CCDC66: variants seen among roughly 807,000 people sequenced by gnomAD.
The protein encoded by CCDC66 is coiled-coil domain-containing protein 66.
A neutral mutation model predicts 128.3 loss-of-function variants in CCDC66; 133 were observed. The ratio of observed to expected loss-of-function variants is 1.04; its 90% CI spans 0.90 to 1.20. CCDC66 has a LOEUF of 1.20. Ranked by LOEUF, CCDC66 falls within the 50% of genes most tolerant of loss-of-function variation. The probability of loss-of-function intolerance (pLI) is 0.00; values close to 1 mark genes in which losing one functional copy is unlikely to be tolerated. For missense variants in CCDC66, 1,126 were observed against 1,075.5 expected, an observed-to-expected ratio of 1.05 and a Z score of -0.66; for synonymous variants, 387 against 357.0, an observed-to-expected ratio of 1.08 and a Z score of -0.95.
intron 7 of CCDC66, among the ~76,000 whole-genome samples, chr3:56,590,803 A>T (rs2070750630): frequency 6.6e-6 from 1 of 152,160 alleles, no homozygotes; most frequent in Non-Finnish European, 1.5e-5. Flanking sequence ...CGTTTAGGAA[A>T]CCAGTTTTTA....
rs1392611260 is a variant in CCDC66 at position 56,557,190 on chromosome 3, C to G, written c.-53C>G. The G allele has an allele frequency of 4.0e-5, 62 of 1,550,984 alleles. No homozygotes were observed. Among genetic ancestry groups the G allele is most frequent in the Admixed American group, 5.9e-5 (3 of 50,958 alleles). On this transcript the variant is annotated 5_prime_UTR_variant, in exon 1 of 18. Coordinates refer to ENST00000394672, the MANE Select transcript of CCDC66 (RefSeq NM_001141947.3). Reference sequence around the variant, plus strand: ...AGCGCTTGCTGAGCGGCGGCGGCAACCGACGTACACAAGGGGCTTGAGCGT... The same window carrying G: ...AGCGCTTGCTGAGCGGCGGCGGCAAGCGACGTACACAAGGGGCTTGAGCGT...
intron 9 of CCDC66, 60 bp downstream of exon 9, chr3:56,593,801 T>C: frequency 6.3e-7 from 1 of 1,592,212 alleles, no homozygotes; most frequent in Non-Finnish European, 8.6e-7. Flanking sequence ...TTAGTAAGAC[T>C]GTTGTTATGT....
chr3:56,616,126 C>A (rs973150698), intron 13 of CCDC66, 73 bp downstream of exon 13: 21 of 1,383,098 alleles, frequency 1.5e-5, no homozygotes, highest in Non-Finnish European at 1.7e-5. Flanking sequence ...GAATTAAGTT[C>A]AATTTAAAAG....
At chr3:56,618,281 G>T in intron 15 of CCDC66, 69 bp downstream of exon 15, 4 of 1,296,272 alleles carry the variant, frequency 3.1e-6, no homozygotes, top group Non-Finnish European at 4.5e-6. Flanking sequence ...AGGGATTCAA[G>T]ATCTGGACAG....
At chr3:56,564,189 T>A in intron 4 of CCDC66, 64 bp downstream of exon 4, 1 of 1,227,884 alleles carries the variant, frequency 8.1e-7, no homozygotes, top group Non-Finnish European at 1.1e-6. Context: ...GAATATCAGA[T>A]TCATTGGGTT....
chr3:56,613,610 G>A lies in CCDC66; in HGVS notation c.1426G>A (p.Glu476Lys). 1 of 1,613,632 alleles carries A rather than the reference G, an allele frequency of 6.2e-7. No homozygotes were observed. The highest frequency in any genetic ancestry group is 1.3e-5 in the African/African-American group (1 of 74,986). Reference sequence around the variant, plus strand: ...CTAGAAAGCCATCACTGCCCAGGTAGAAGAGAAGCGCAGGAAGAAACAACT... The same window carrying A: ...CTAGAAAGCCATCACTGCCCAGGTAAAAGAGAAGCGCAGGAAGAAACAACT... ...EHQKAITAQV[E>K]EKRRKKQLEE... The change falls in exon 11 of 18, where the codon GAA becomes AAA. Residue 476 changes from glutamate (E) to lysine (K), a missense_variant. Glu to Lys is a moderately conservative substitution (Grantham distance 56). Coordinates refer to ENST00000394672, the MANE Select transcript of CCDC66 (RefSeq NM_001141947.3).
intron 9 of CCDC66, 91 bp downstream of exon 9, chr3:56,593,832 T>C (rs1272117926): frequency 2.5e-6 from 4 of 1,581,532 alleles, no homozygotes; most frequent in Non-Finnish European, 3.5e-6. Context: ...TCAGGTTTGG[T>C]ATTTGTCTTT....
At chr3:56,567,912 G>A (rs1017178644) in intron 6 of CCDC66, among the ~76,000 whole-genome samples, 5 of 151,962 alleles carry the variant, frequency 3.3e-5, no homozygotes, top group Admixed American at 6.6e-5. Flanking sequence ...GGATGGTCTT[G>A]ATCTCCTGAC....
chr3:56,612,614 C>T (rs2074995269), intron 10 of CCDC66, among the ~76,000 whole-genome samples: 1 of 152,132 alleles, frequency 6.6e-6, no homozygotes, highest in South Asian at 2.1e-4. Flanking sequence ...GTGGGACAAC[C>T]CTCTGGGATC....
Position 56,563,894 on chromosome 3 carries a change from C to G in CCDC66, c.313C>G (p.Leu105Val), listed in dbSNP as rs1192382636. 1 of 1,612,046 alleles carries G rather than the reference C, an allele frequency of 6.2e-7. No homozygotes were observed. The highest frequency in any genetic ancestry group is 8.5e-7 in the Non-Finnish European group (1 of 1,178,612). ...LCKQCIDKDCLHIQKEISPAT... is the reference protein window; with the variant it reads ...LCKQCIDKDCVHIQKEISPAT... ...TAAACAATGTATAGATAAAGACTGT[C>G]TTCATATCCAGAAAGAGATTTCACC... Residue 105 changes from leucine (L) to valine (V), a missense_variant, in exon 4 of 18, where the codon CTT (leucine) becomes GTT (valine). Leu to Val is a conservative substitution (Grantham distance 32, BLOSUM62 1). Coordinates refer to ENST00000394672, the MANE Select transcript of CCDC66 (RefSeq NM_001141947.3).
chr3:56,616,208 A>G (rs888975604), intron 13 of CCDC66, 155 bp downstream of exon 13: 2 of 606,258 alleles, frequency 3.3e-6, no homozygotes, highest in East Asian at 3.9e-5. Context: ...TTGTTGAAAC[A>G]TGTCATGTAC....
Position 56,592,997 on chromosome 3 carries a change from A to G in CCDC66, c.964A>G (p.Ser322Gly). 1.2e-6 allele frequency: 2 copies of G among 1,611,256 alleles called. No homozygotes were observed. The highest frequency in any genetic ancestry group is 1.7e-6 in the Non-Finnish European group (2 of 1,179,198). ...RETVLLEHPF[S>G]AVKQELQRKW... The stretch of plus-strand genomic sequence containing the variant: ...AACAGTACTGCTGGAGCACCCTTTC[A>G]GTGCTGTGAAACAAGAACTGCAAAG... Residue 322 changes from serine (S) to glycine (G), a missense_variant, in exon 8 of 18, where the codon AGT becomes GGT. Transcript: ENST00000394672.
In CCDC66 at chr3:56,588,280, A is replaced by G. The variant is rs931592474; in HGVS notation, c.937-4690A>G. Among the ~76,000 whole-genome samples, 12 of 152,188 alleles carry G rather than the reference A, an allele frequency of 7.9e-5. 1 individual carries two copies. Among genetic ancestry groups the G allele is most frequent in the Admixed American group, 7.9e-4 (12 of 15,286 alleles). On this transcript the variant is annotated intron_variant, in intron 7 of 17. Coordinates refer to ENST00000394672, the MANE Select transcript of CCDC66 (RefSeq NM_001141947.3). ...GGATGCAAAGGCATAAGAATGATAC[A>G]GTGGACTTTGAGGACTTATGGAGAA...
At chr3:56,591,090 C>G (rs1461315972) in intron 7 of CCDC66, among the ~76,000 whole-genome samples, 1 of 152,170 alleles carries the variant, frequency 6.6e-6, no homozygotes, top group Admixed American at 6.5e-5. Context: ...ACTGAATGCA[C>G]ATTGGGAGAG....
At chr3:56,592,620 C>G (rs954833100) in intron 7 of CCDC66, among the ~76,000 whole-genome samples, 1 of 152,062 alleles carries the variant, frequency 6.6e-6, no homozygotes, top group African/African-American at 2.4e-5. Context: ...CCATGTCAGC[C>G]TCCCAACATG....
intron 10 of CCDC66, among the ~76,000 whole-genome samples, chr3:56,597,009 C>T (rs1295746051): frequency 2.2e-4 from 34 of 151,424 alleles, no homozygotes. Context: ...ATCCACCTGC[C>T]TTGCCCTCCC....
At chr3:56,589,490 AAATC>A (rs2070458100) in intron 7 of CCDC66, among the ~76,000 whole-genome samples, 1 of 152,176 alleles carries the variant, frequency 6.6e-6, no homozygotes. Context: ...AAAGAATAAT[AAATC>A]ATGATGAGTT....
intron 7 of CCDC66, chr3:56,572,246 T>A: frequency 1.6e-6 from 1 of 623,562 alleles, no homozygotes; most frequent in Admixed American, 2.4e-5. Context: ...TCTTGTGTAG[T>A]GCTTTTGTGA....
At position 56,567,810 on chromosome 3, in the gene CCDC66, C is replaced by G. The variant is rs962261020; in HGVS notation, c.814+757C>G. On this transcript the variant is annotated intron_variant, in intron 6 of 17. Transcript: ENST00000394672. Reference sequence around the variant, plus strand: ...CGGGTTCACGCCATTCTGCCTCAGCCTCCCCAGTAGCTGGGACTACAGGCA... The same window carrying G: ...CGGGTTCACGCCATTCTGCCTCAGCGTCCCCAGTAGCTGGGACTACAGGCA... 5.9e-5 allele frequency among the ~76,000 whole-genome samples: 9 copies of G among 152,160 alleles called. 1 individual carries two copies. Among genetic ancestry groups the G allele is most frequent in the Admixed American group, 1.3e-4 (2 of 15,290 alleles).
Sources: gnomAD v4.1 joint callset for allele counts (sites outside exome capture counted in the v4.1 genomes callset) on GRCh38, gnomAD v4.1.1 for gene constraint, MANE v1.5 for transcripts, NCBI Gene and HGNC (gene_info 2026-07-23, HGNC 2026-07-21) for gene names.